Variants in FAM149A observed in about 807,000 individuals in gnomAD.
FAM149A encodes the protein family with sequence similarity 149 member A.
FAM149A carries 71 observed loss-of-function variants against 78.2 expected under a neutral mutation model. The observed-to-expected ratio is 0.91, with a 90% CI of 0.75 to 1.11. The LOEUF is 1.11. FAM149A is among the 50% of genes least tolerant of loss of function. The pLI, the probability that FAM149A is intolerant of heterozygous loss-of-function variation, is 0.00. For missense variants in FAM149A, 1,036 were observed against 971.0 expected (o/e 1.07, Z -0.89); for synonymous variants, 446 against 410.5 (o/e 1.09, Z -1.04).
chr4:186,163,670 C>A, intron 10 of FAM149A, 37 bp downstream of exon 10: 1 of 1,492,596 alleles, frequency 6.7e-7, no homozygotes, highest in Non-Finnish European at 9.3e-7. Context: ...CTAAAGGCCA[C>A]GGAGGACCTA....
intron 1 of FAM149A, among the ~76,000 whole-genome samples, chr4:186,142,002 C>G (rs907030547): frequency 1.3e-5 from 2 of 152,152 alleles, no homozygotes; most frequent in Non-Finnish European, 2.9e-5. Context: ...GGACCCCCTT[C>G]CCCAGCCTTC....
At chr4:186,155,744 A>C (rs981353566) in intron 6 of FAM149A, among the ~76,000 whole-genome samples, 1 of 152,158 alleles carries the variant, frequency 6.6e-6, no homozygotes, top group Non-Finnish European at 1.5e-5. Context: ...AGAAGGAAGG[A>C]AATAACAAAG....
chr4:186,145,093 C>G (rs895820752), intron 1 of FAM149A: 21 of 985,366 alleles, frequency 2.1e-5, no homozygotes, highest in Non-Finnish European at 2.5e-5. Context: ...GAGCACAGGC[C>G]CGGGGCTGAT....
intron 1 of FAM149A, chr4:186,126,750 C>T (rs561249865): frequency 1.2e-5 from 5 of 405,846 alleles, no homozygotes; most frequent in Admixed American, 6.4e-5. Context: ...TTCTTCAGCT[C>T]GCAGATGGCA....
At chr4:186,145,142 T>C (rs1266299558) in intron 1 of FAM149A, 4 of 985,460 alleles carry the variant, frequency 4.1e-6, no homozygotes, top group Non-Finnish European at 4.8e-6. Context: ...AGGGCTCGCC[T>C]TCTGGCCGCT....
At chr4:186,123,090 T>TA in intron 1 of FAM149A, 1 of 308,950 alleles carries the variant, frequency 3.2e-6, no homozygotes. Flanking sequence ...ACGGAGGAGA[T>TA]ACTTTCATTC....
At chr4:186,149,453 T>C (rs1733299940) in intron 2 of FAM149A, 113 bp from the exon 3 acceptor site, 11 of 1,140,332 alleles carry the variant, frequency 9.6e-6, no homozygotes, top group Non-Finnish European at 1.2e-5. Flanking sequence ...ACTGTGAAAT[T>C]AATAAATATA....
intron 3 of FAM149A, chr4:186,150,936 G>A (rs1733523103): frequency 1.9e-6 from 1 of 518,024 alleles, no homozygotes; most frequent in Non-Finnish European, 2.5e-6. Flanking sequence ...TGGCCAGGCT[G>A]GTTTCGAACT....
chr4:186,166,718 T>C (rs1735057479), intron 11 of FAM149A, among the ~76,000 whole-genome samples: 1 of 55,186 alleles, frequency 1.8e-5, no homozygotes, highest in Non-Finnish European at 3.5e-5. Context: ...AATGCAGAAT[T>C]ACATTTTCTT....
chr4:186,117,509 C>A (rs1330411948), intron 1 of FAM149A: 1 of 985,250 alleles, frequency 1.0e-6, no homozygotes, highest in Non-Finnish European at 1.2e-6. Context: ...GGTCTGAGTT[C>A]TAAAGAATGT....
rs2099315308 is a variant in FAM149A, at chr4:186,120,052, T to A, written c.566+14410T>A. On this transcript the variant is annotated intron_variant, in intron 1 of 13. Coordinates refer to ENST00000389354, the MANE Select transcript of FAM149A (RefSeq NM_001367768.3). ...ACCTCAGACCTCTGTTTTACTTGTT[T>A]TAACATTTTTATAAGCATGTTTCAC... 2.0e-5 allele frequency among the ~76,000 whole-genome samples: 3 copies of A among 152,218 alleles called. No homozygotes were observed. The South Asian group carries it at 6.2e-4, about 32-fold the overall frequency.
chr4:186,160,389 C>T (rs1377495839), intron 8 of FAM149A, among the ~76,000 whole-genome samples: 7 of 141,202 alleles, frequency 5.0e-5, no homozygotes, highest in Non-Finnish European at 4.6e-5. Context: ...ACACACCACT[C>T]ACACACACAC....
At chr4:186,125,155 C>A in intron 1 of FAM149A, 1 of 599,598 alleles carries the variant, frequency 1.7e-6, no homozygotes, top group Non-Finnish European at 2.1e-6. Flanking sequence ...CACAGCCATA[C>A]AAGTCAATGA....
intron 1 of FAM149A, chr4:186,146,528 C>A (rs1733050200): frequency 3.1e-6 from 3 of 981,022 alleles, no homozygotes; most frequent in African/African-American, 1.8e-5. Context: ...GAGCTTCCAC[C>A]CTTTCCCCTG....
intron 1 of FAM149A, chr4:186,110,378 T>C (rs1561382749): frequency 5.5e-6 from 5 of 904,910 alleles, no homozygotes. Context: ...ACAATTGTCA[T>C]ATAAGCGTTA....
intron 1 of FAM149A, chr4:186,133,009 A>G (rs1417431006): frequency 2.3e-5 from 23 of 985,236 alleles, no homozygotes; most frequent in Non-Finnish European, 2.7e-5. Context: ...AGCTCTGCCT[A>G]TAGAGCTGGC....
In FAM149A at chr4:186,163,372, C is replaced by G. The variant is rs1029792701; in HGVS notation, c.1680-52C>G. On this transcript the variant is annotated intron_variant, in intron 9 of 13. Coordinates refer to ENST00000389354, the MANE Select transcript of FAM149A (RefSeq NM_001367768.3). ...TCAACTAAGCACAGACAGGTGCGTT[C>G]CCTGTTATCACAGCACTCGCAGCTG... is the stretch of plus-strand genomic sequence containing the variant. 4.8e-6 allele frequency: 7 copies of G among 1,446,488 alleles called. No homozygotes were observed. The African/African-American group carries it at 5.6e-5, about 12-fold the overall frequency. The allele number at this position is 1,446,488 out of a possible 1,614,324, so 89.6% of individuals were successfully genotyped here.
At chr4:186,158,209 T>A in intron 8 of FAM149A, 1 of 1,279,198 alleles carries the variant, frequency 7.8e-7, no homozygotes, top group Non-Finnish European at 1.0e-6. Flanking sequence ...GCTTCTCTCC[T>A]GGAACCTTCA....
chr4:186,163,695 A>G, intron 10 of FAM149A, 62 bp downstream of exon 10: 1 of 1,230,014 alleles, frequency 8.1e-7, no homozygotes, highest in South Asian at 1.3e-5. Context: ...CTTCTCAGTT[A>G]GGGTTTATGG....
Sources: allele counts gnomAD v4.1 joint callset (sites outside exome capture counted in the v4.1 genomes callset), GRCh38; gene constraint gnomAD v4.1.1; transcripts MANE v1.5; gene names NCBI Gene and HGNC (gene_info 2026-07-23, HGNC 2026-07-21).